Variants in ZC3HAV1 observed in about 807,000 individuals in gnomAD.
ZC3HAV1 encodes zinc finger CCCH-type antiviral protein 1.
Under a neutral mutation model 86.6 loss-of-function variants are expected in ZC3HAV1, and 41 were observed. That is an observed-to-expected ratio of 0.47 (90% CI 0.37 to 0.61). The LOEUF (loss-of-function observed/expected upper bound fraction) is 0.61, where lower values mean the gene tolerates loss of function less well. ZC3HAV1 is among the 20% of genes least tolerant of loss of function. The pLI is 0.00. For synonymous variants in ZC3HAV1, 421 were observed against 432.1 expected (o/e 0.97, Z 0.32); for missense variants, 964 against 1,141.1 (o/e 0.84, Z 2.24).
At chr7:139,055,322 T>A in intron 9 of ZC3HAV1, 27 bp from the exon 10 acceptor site, 1 of 1,594,706 alleles carries the variant, frequency 6.3e-7, no homozygotes, top group Non-Finnish European at 8.6e-7. Context: ...AGAATTCACT[T>A]AACTCTCTGC....
intron 1 of ZC3HAV1, among the ~76,000 whole-genome samples, chr7:139,100,906 T>G (rs901785632): frequency 5.9e-5 from 9 of 152,130 alleles, no homozygotes; most frequent in Admixed American, 2.6e-4. Context: ...GAGGCTGGAC[T>G]GTACTGCTGC....
chr7:139,071,087 T>C (rs1055549700), intron 7 of ZC3HAV1, among the ~76,000 whole-genome samples: 1 of 151,858 alleles, frequency 6.6e-6, no homozygotes, highest in Non-Finnish European at 1.5e-5. Flanking sequence ...AAATAGTTCC[T>C]TTTGGTTTCT....
At chr7:139,057,336 T>G (rs1211588876) in intron 9 of ZC3HAV1, among the ~76,000 whole-genome samples, 2 of 149,328 alleles carry the variant, frequency 1.3e-5, no homozygotes, top group Non-Finnish European at 3.0e-5. Flanking sequence ...CTAACCTGCA[T>G]GCAGAGTGAG....
intron 4 of ZC3HAV1, 198 bp downstream of exon 4, chr7:139,079,272 G>T: frequency 6.5e-7 from 1 of 1,537,016 alleles, no homozygotes; most frequent in Non-Finnish European, 8.7e-7. Context: ...GATTCCCCAG[G>T]TGTGGTGGGG....
intron 1 of ZC3HAV1, among the ~76,000 whole-genome samples, chr7:139,101,261 C>T (rs1433378509): frequency 6.6e-6 from 1 of 150,394 alleles, no homozygotes. Context: ...TGCCCTGCCG[C>T]CACCCCGTCT....
Position 139,079,748 on chromosome 7 carries a change from G to C in ZC3HAV1, c.1193C>G (p.Thr398Ser). ...LGSLQTPEAVTTRKGTGLLSS... is the reference protein window; with the variant it reads ...LGSLQTPEAVSTRKGTGLLSS... Reference sequence around the variant, plus strand: ...AAGCAAGCCTGTGCCCTTTCTGGTGGTCACAGCTTCAGGTGTTTGCAGAGA... The same window carrying C: ...AAGCAAGCCTGTGCCCTTTCTGGTGCTCACAGCTTCAGGTGTTTGCAGAGA... Residue 398 changes from threonine to serine, a missense_variant, in exon 4 of 13, where the codon ACC (threonine) becomes AGC (serine). Transcript: ENST00000242351. 2 of 1,614,164 alleles carry C rather than the reference G, an allele frequency of 1.2e-6. No homozygotes were observed. The highest frequency in any genetic ancestry group is 1.7e-6 in the Non-Finnish European group (2 of 1,180,024).
At chr7:139,073,467 T>C (rs1159126368) in intron 7 of ZC3HAV1, among the ~76,000 whole-genome samples, 1 of 152,036 alleles carries the variant, frequency 6.6e-6, no homozygotes, top group African/African-American at 2.4e-5. Flanking sequence ...TCAAACATTT[T>C]ATTAATAGTG....
At position 139,108,769 on chromosome 7, in the gene ZC3HAV1, G is replaced by C. The variant is rs1818012604; in HGVS notation, c.308+255C>G. 6.6e-6 allele frequency among the ~76,000 whole-genome samples: 1 copy of C among 152,238 alleles called. No individual in the cohort carries two copies. On this transcript the variant is annotated intron_variant, in intron 1 of 12. Coordinates refer to ENST00000242351, the MANE Select transcript of ZC3HAV1 (RefSeq NM_020119.4). The surrounding 1 kb of genome is among the most constrained non-coding windows in gnomAD (Gnocchi z 4.2). The stretch of plus-strand genomic sequence containing the variant: ...GGGGAAAGGGGTGGAGGTTGAGCCT[G>C]GTCTCCTCCAGGCACTAGCATTTTA...
Position 139,078,553 on chromosome 7 carries a change from ATTAAGCG to A in ZC3HAV1, c.1565_1571del (p.Pro522LeufsTer46). On this transcript the variant is annotated frameshift_variant and splice_region_variant, in exon 5 of 13. Coordinates refer to ENST00000242351, the MANE Select transcript of ZC3HAV1 (RefSeq NM_020119.4). LOFTEE classifies it high-confidence loss of function. ...CAGAAAAGTCCTTAGGTTACTCACC[ATTAAGCG>A]GACAACCCTTACACAGATGGTCAAG... 6.3e-7 allele frequency: 1 copy of A among 1,594,658 alleles called. No homozygotes were observed. The highest frequency in any genetic ancestry group is 8.5e-7 in the Non-Finnish European group (1 of 1,174,224).
chr7:139,048,907 C>T (rs553164508), intron 12 of ZC3HAV1, among the ~76,000 whole-genome samples: 6 of 152,060 alleles, frequency 3.9e-5, no homozygotes, highest in African/African-American at 7.2e-5. Context: ...TGACCTACGA[C>T]GTCCAATCCC....
rs1025276390 is a variant in ZC3HAV1, at chr7:139,045,915, T to A, written c.*1679A>T. The A allele has an allele frequency of 1.1e-4, 16 of 147,304 alleles. No homozygotes were observed. The highest frequency in any genetic ancestry group is 2.3e-4 in the Non-Finnish European group (15 of 66,636). 9.1% of individuals were successfully genotyped at this position (147,304 alleles called of 1,614,324 possible). A position where few individuals can be genotyped will look rare whatever the true frequency, so the allele number is the denominator to read the frequency against. ...CTAAAAAAACTATTTTTTTTTTTTT[T>A]TTTTTTTTTTTTTTTTACCGGTGGA... On this transcript the variant is annotated 3_prime_UTR_variant, in exon 13 of 13. Transcript: ENST00000242351.
intron 6 of ZC3HAV1, among the ~76,000 whole-genome samples, chr7:139,075,075 TG>T (rs1335508832): frequency 2.0e-5 from 2 of 101,028 alleles, no homozygotes; most frequent in Admixed American, 1.4e-4. Flanking sequence ...GTGGGGCTGG[TG>T]GGGGGGTGGT....
chr7:139,047,257 A>T lies in ZC3HAV1; in HGVS notation c.*337T>A, dbSNP rs1236740608. ...GGCAGGAGAATTGCTTGAACCCGGG[A>T]GGCAGAGGTTGCAGTGAGCCGAGAT... is the stretch of plus-strand genomic sequence containing the variant. On this transcript the variant is annotated 3_prime_UTR_variant, in exon 13 of 13. Coordinates refer to ENST00000242351, the MANE Select transcript of ZC3HAV1 (RefSeq NM_020119.4). 3.9e-6 allele frequency: 1 copy of T among 258,674 alleles called. No homozygotes were observed. The highest frequency in any genetic ancestry group is 2.5e-5 in the African/African-American group (1 of 40,318). The allele number at this position is 258,674 out of a possible 1,614,324, so 16.0% of individuals were successfully genotyped here.
chr7:139,064,797 A>G (rs1816548591), intron 8 of ZC3HAV1, 82 bp downstream of exon 8: 6 of 1,603,946 alleles, frequency 3.7e-6, no homozygotes, highest in Admixed American at 1.7e-5. Context: ...ATAGCAATGC[A>G]TACCCACTCT....
At chr7:139,085,378 T>C (rs777690350) in intron 2 of ZC3HAV1, among the ~76,000 whole-genome samples, 2 of 152,240 alleles carry the variant, frequency 1.3e-5, no homozygotes, top group Non-Finnish European at 2.9e-5. Flanking sequence ...ATTTCAATTG[T>C]ACAAGTTTAT....
chr7:139,060,261 C>T (rs1816405390), intron 9 of ZC3HAV1: 4 of 985,256 alleles, frequency 4.1e-6, no homozygotes, highest in Admixed American at 6.2e-5. Flanking sequence ...GTTAGAACAC[C>T]TTGATTTTAT....
At chr7:139,104,440 G>A (rs542434619) in intron 1 of ZC3HAV1, among the ~76,000 whole-genome samples, 177 of 152,298 alleles carry the variant, frequency 1.2e-3, no homozygotes, top group African/African-American at 4.0e-3. Flanking sequence ...AAGGCCGGGC[G>A]CGGTGGCTCA....
chr7:139,079,622 G>A lies in ZC3HAV1; in HGVS notation c.1319C>T (p.Thr440Ile). Residue 440 changes from threonine to isoleucine, a missense_variant, in exon 4 of 13, where the codon ACT becomes ATT. Thr to Ile is a moderately conservative substitution (Grantham distance 89, BLOSUM62 -1). Coordinates refer to ENST00000242351, the MANE Select transcript of ZC3HAV1 (RefSeq NM_020119.4). The stretch of plus-strand genomic sequence containing the variant: ...TTTGTAATTTAAGGATCTGGTAGAA[G>A]TTATATCTGTGGCCACTCCATCAGC... Reference protein sequence around the residue: ...NNADGVATDITSTRSLNYKST... With the variant: ...NNADGVATDIISTRSLNYKST... 1.2e-6 allele frequency: 2 copies of A among 1,614,160 alleles called. No homozygotes were observed. Among genetic ancestry groups the A allele is most frequent in the Non-Finnish European group, 1.7e-6 (2 of 1,180,034 alleles).
At chr7:139,100,843 T>TTCCACGGTCTCCCTCTCCCTCTCTC (rs1817734801) in intron 1 of ZC3HAV1, among the ~76,000 whole-genome samples, 1 of 149,620 alleles carries the variant, frequency 6.7e-6, no homozygotes, top group Non-Finnish European at 1.5e-5. Flanking sequence ...CTCCCTCTCT[T>TTCCACGGTCTCCCTCTCCCTCTCTC]TCCACGGTCT....
Sources: allele counts gnomAD v4.1 joint callset (sites outside exome capture counted in the v4.1 genomes callset), GRCh38; gene constraint gnomAD v4.1.1; non-coding constraint Gnocchi (gnomAD v3.1); transcripts MANE v1.5; gene names NCBI Gene and HGNC (gene_info 2026-07-23, HGNC 2026-07-21).